MRTFB: variants seen among roughly 807,000 people sequenced by gnomAD.
MRTFB encodes myocardin related transcription factor B.
MRTFB carries 29 observed loss-of-function variants against 104.2 expected under a neutral mutation model. That is an observed-to-expected ratio of 0.28 (90% confidence interval 0.21 to 0.38). The LOEUF (loss-of-function observed/expected upper bound fraction) is 0.38. Ranked by LOEUF, MRTFB falls within the 10% of genes least tolerant of loss-of-function variation. MRTFB has a pLI of 1.00. For missense variants in MRTFB, 1,270 were observed against 1,341.6 expected (o/e 0.95, Z 0.83); for synonymous variants, 535 against 519.5 (o/e 1.03, Z -0.41).
chr16:14,220,430 C>G (rs980698894), intron 8 of MRTFB, among the ~76,000 whole-genome samples: 14 of 152,140 alleles, frequency 9.2e-5, no homozygotes, highest in Non-Finnish European at 1.3e-4. Context: ...TGTTTAAATT[C>G]CATGATCATT....
At chr16:14,190,313 A>G (rs1175856081) in intron 3 of MRTFB, among the ~76,000 whole-genome samples, 1 of 152,212 alleles carries the variant, frequency 6.6e-6, no homozygotes, top group African/African-American at 2.4e-5. Context: ...GGCTTCAAAC[A>G]TTCTCTGATT....
intron 3 of MRTFB, among the ~76,000 whole-genome samples, chr16:14,163,154 AT>A (rs1406141128): frequency 6.6e-6 from 1 of 152,170 alleles, no homozygotes; most frequent in African/African-American, 2.4e-5. Context: ...TTCTTAGACT[AT>A]ATCTCATTGA....
rs1268962211 is a variant in MRTFB at position 14,140,770 on chromosome 16, G to C, written c.154+10G>C. 1.9e-6 allele frequency: 3 copies of C among 1,614,058 alleles called. No homozygotes were observed. The highest frequency in any genetic ancestry group is 2.5e-6 in the Non-Finnish European group (3 of 1,179,968). ...AACGAAAGGAAAAATGGTGAGTTCA[G>C]CATGTGCAATGGGATCTTTGATTTA... On this transcript the variant is annotated intron_variant, in intron 3 of 16. Transcript: ENST00000571589.
At chr16:14,040,588 G>T in the MRTFB span, among the ~76,000 whole-genome samples, 40 of 151,126 alleles carry the variant, frequency 2.6e-4, no homozygotes, top group African/African-American at 9.5e-4. Flanking sequence ...TCAGCCTCCC[G>T]AGTAGCTGGG....
intron 3 of MRTFB, among the ~76,000 whole-genome samples, chr16:14,158,066 G>C (rs2038891709): frequency 6.6e-6 from 1 of 152,068 alleles, no homozygotes; most frequent in Non-Finnish European, 1.5e-5. Context: ...CCCCACTTTT[G>C]CTTTCTTAAG....
rs2039968022 is a variant in MRTFB, at chr16:14,186,780, T to C, written c.155-23463T>C. On this transcript the variant is annotated intron_variant, in intron 3 of 16. Coordinates refer to ENST00000571589, the MANE Select transcript of MRTFB (RefSeq NM_001308142.2). ...TGCCTTCAGCTGCTTAAAGACATAATTGGCCAGTGATTGGGGTATTGTGGG... is the reference window on the plus strand; with the variant it reads ...TGCCTTCAGCTGCTTAAAGACATAACTGGCCAGTGATTGGGGTATTGTGGG... 1.4e-5 allele frequency: 21 copies of C among 1,524,138 alleles called. No homozygotes were observed. The South Asian group carries it at 2.4e-4, about 17-fold the overall frequency. 94.4% of individuals were successfully genotyped at this position (1,524,138 alleles called of 1,614,324 possible). A position where few individuals can be genotyped will look rare whatever the true frequency, so the allele number is the denominator to read the frequency against.
intron 8 of MRTFB, among the ~76,000 whole-genome samples, chr16:14,220,341 G>C (rs2041635191): frequency 6.6e-6 from 1 of 152,206 alleles, no homozygotes; most frequent in African/African-American, 2.4e-5. Flanking sequence ...CTACTGTTTT[G>C]AGTAGGTTAG....
intron 2 of MRTFB, among the ~76,000 whole-genome samples, chr16:14,098,837 G>C (rs1246785494): frequency 6.6e-6 from 1 of 152,210 alleles, no homozygotes; most frequent in African/African-American, 2.4e-5. Context: ...TTGTTGAAAT[G>C]ACTATTCTCA....
upstream of MRTFB, among the ~76,000 whole-genome samples, chr16:14,068,087 C>G (rs1057170209): frequency 2.6e-5 from 4 of 152,112 alleles, no homozygotes; most frequent in South Asian, 4.1e-4. Flanking sequence ...TCACCTCGGC[C>G]TCCCAAACTG....
Position 14,265,592 on chromosome 16 carries a change from T to TC in MRTFB, c.*4149dup, listed in dbSNP as rs1358066200. On this transcript the variant is annotated 3_prime_UTR_variant, in exon 17 of 17. Coordinates refer to ENST00000571589, the MANE Select transcript of MRTFB (RefSeq NM_001308142.2). ...GCTACATTTTTATTTGTAAAGTGAC[T>TC]CTGTCTGCATGGCAATGAGCAGGTG... The TC allele has an allele frequency of 7.9e-5, 12 of 152,108 alleles. No individual in the cohort carries two copies. The highest frequency in any genetic ancestry group is 1.5e-5 in the Non-Finnish European group (1 of 68,036). The allele number at this position is 152,108 out of a possible 1,614,324, so 9.4% of individuals were successfully genotyped here. A position where few individuals can be genotyped will look rare whatever the true frequency, so the allele number is the denominator to read the frequency against.
Position 14,177,238 on chromosome 16 carries a change from G to A in MRTFB, c.155-33005G>A, listed in dbSNP as rs765529269. On this transcript the variant is annotated intron_variant, in intron 3 of 16. Coordinates refer to ENST00000571589, the MANE Select transcript of MRTFB (RefSeq NM_001308142.2). The surrounding 1 kb of genome is among the most constrained non-coding windows in gnomAD (Gnocchi z 4.7). Reference sequence around the variant, plus strand: ...AGGTGGACTGACTTAAGGAGATAGAGGAGAGGCATGGAAGAGGTTTGGTCA... The same window carrying A: ...AGGTGGACTGACTTAAGGAGATAGAAGAGAGGCATGGAAGAGGTTTGGTCA... Among the ~76,000 whole-genome samples, 23 of 152,164 alleles carry A rather than the reference G, an allele frequency of 1.5e-4. No homozygotes were observed. Among genetic ancestry groups the A allele is most frequent in the Non-Finnish European group, 1.5e-5 (1 of 68,024 alleles).
chr16:14,051,716 C>G, the MRTFB span, among the ~76,000 whole-genome samples: 1 of 152,264 alleles, frequency 6.6e-6, no homozygotes, highest in South Asian at 2.1e-4. Flanking sequence ...ACCAGGTCTG[C>G]CTATGTGGCA....
Position 14,245,588 on chromosome 16 carries a change from C to T in MRTFB, c.1140C>T (p.Asn380=), listed in dbSNP as rs1459295310. The T allele has an allele frequency of 6.2e-7, 1 of 1,614,096 alleles. No homozygotes were observed. Among genetic ancestry groups the T allele is most frequent in the Non-Finnish European group, 8.5e-7 (1 of 1,179,998 alleles). The change falls in exon 11 of 17, where the codon AAC becomes AAT. Residue 380 remains asparagine, a synonymous_variant. Coordinates refer to ENST00000571589, the MANE Select transcript of MRTFB (RefSeq NM_001308142.2). ...GNSALNNATP[N]TPRQNTSTPV... ...CAGCTTTGAACAATGCCACACCTAA[C>T]ACACCAAGACAGAATACATCTACTC...
chr16:13,997,792 C>CA, the MRTFB span, among the ~76,000 whole-genome samples: 31,505 of 90,460 alleles, frequency 0.35, 5,670 homozygotes, highest in Non-Finnish European at 0.42. Context: ...GACCCTATCT[C>CA]AAAAAAAAAA....
intron 2 of MRTFB, among the ~76,000 whole-genome samples, chr16:14,104,100 G>T (rs1391910983): frequency 6.6e-6 from 1 of 152,188 alleles, no homozygotes; most frequent in Admixed American, 6.5e-5. Context: ...CTCTTAACCA[G>T]AGTGAAAAAA....
At chr16:14,109,603 T>TAA (rs2036168403) in intron 2 of MRTFB, among the ~76,000 whole-genome samples, 1 of 152,206 alleles carries the variant, frequency 6.6e-6, no homozygotes, top group Non-Finnish European at 1.5e-5. Context: ...GGTACCTTGT[T>TAA]AAAGTCCTTG....
chr16:14,238,403 G>C (rs1174017731), intron 9 of MRTFB, among the ~76,000 whole-genome samples: 1 of 152,196 alleles, frequency 6.6e-6, no homozygotes, highest in East Asian at 1.9e-4. Flanking sequence ...TGTAAAGGTT[G>C]TAACAGAAAA....
chr16:14,121,948 A>G (rs1411387342), intron 2 of MRTFB, among the ~76,000 whole-genome samples: 1 of 152,188 alleles, frequency 6.6e-6, no homozygotes, highest in Non-Finnish European at 1.5e-5. Context: ...TGTATGGTAC[A>G]CTCAGAGATA....
In MRTFB at chr16:14,222,096, C is replaced by G. The variant is rs144404181; in HGVS notation, c.693+3098C>G. The stretch of plus-strand genomic sequence containing the variant: ...CACCTGGCCCATTTAATTTTCGATG[C>G]ATGTGGACTAATCCTTGTAAAGTAC... On this transcript the variant is annotated intron_variant, in intron 8 of 16. Coordinates refer to ENST00000571589, the MANE Select transcript of MRTFB (RefSeq NM_001308142.2). Among the ~76,000 whole-genome samples, 100 of 152,112 alleles carry G rather than the reference C, an allele frequency of 6.6e-4. 1 individual carries two copies. The highest frequency in any genetic ancestry group is 2.4e-3 in the African/African-American group (99 of 41,516).
Sources: gnomAD v4.1 joint callset for allele counts (sites outside exome capture counted in the v4.1 genomes callset) on GRCh38, gnomAD v4.1.1 for gene constraint, Gnocchi (gnomAD v3.1) non-coding constraint, MANE v1.5 for transcripts, NCBI Gene and HGNC (gene_info 2026-07-23, HGNC 2026-07-21) for gene names.